The following TBC1D19 variants were observed in gnomAD, a reference collection of about 807,000 sequenced individuals.
TBC1D19 encodes TBC1 domain family, member 19.
A neutral mutation model predicts 89.0 loss-of-function variants in TBC1D19; 60 were observed. The observed-to-expected ratio is 0.67, with a 90% confidence interval of 0.55 to 0.84. The LOEUF (loss-of-function observed/expected upper bound fraction) is 0.84, where lower values mean the gene tolerates loss of function less well. TBC1D19 is among the 40% of genes least tolerant of loss of function. TBC1D19 has a pLI of 0.00. For synonymous variants in TBC1D19, 189 were observed against 199.7 expected (o/e 0.95, Z 0.45); for missense variants, 500 against 610.8 (o/e 0.82, Z 1.91).
At chr4:26,806,869 G>T in the TBC1D19 span, among the ~76,000 whole-genome samples, 1 of 152,176 alleles carries the variant, frequency 6.6e-6, no homozygotes, top group African/African-American at 2.4e-5. Flanking sequence ...TGCCAAAGAT[G>T]GCTGGTAAAT....
rs540055682 is a variant in TBC1D19, at chr4:26,628,107, C to A, written c.294+7419C>A. On this transcript the variant is annotated intron_variant, in intron 4 of 20. Transcript: ENST00000264866. ...TCCAGTTTCAGCTCTCTACATATGGCTAGCCAGTTTTCCCAGCATCATTTA... is the reference window on the plus strand; with the variant it reads ...TCCAGTTTCAGCTCTCTACATATGGATAGCCAGTTTTCCCAGCATCATTTA... Among the ~76,000 whole-genome samples, 28 of 152,276 alleles carry A rather than the reference C, an allele frequency of 1.8e-4. 1 individual carries two copies. The highest frequency in any genetic ancestry group is 6.0e-4 in the African/African-American group (25 of 41,560).
intron 4 of TBC1D19, among the ~76,000 whole-genome samples, chr4:26,634,259 A>G (rs940645540): frequency 1.3e-5 from 2 of 151,976 alleles, no homozygotes; most frequent in African/African-American, 2.4e-5. Flanking sequence ...TTTTCTTGCA[A>G]TGTCATGACT....
At chr4:26,591,965 G>A (rs943880352) in intron 1 of TBC1D19, among the ~76,000 whole-genome samples, 2 of 152,108 alleles carry the variant, frequency 1.3e-5, no homozygotes, top group Non-Finnish European at 2.9e-5. Flanking sequence ...AGAAAAAGAG[G>A]GAATCCTCCC....
intron 7 of TBC1D19, among the ~76,000 whole-genome samples, chr4:26,641,341 G>A (rs1212110855): frequency 6.6e-6 from 1 of 152,122 alleles, no homozygotes; most frequent in African/African-American, 2.4e-5. Context: ...GGACCTGACT[G>A]TTAGAAGGAA....
intron 15 of TBC1D19, among the ~76,000 whole-genome samples, chr4:26,731,170 C>T (rs915385111): frequency 3.9e-5 from 6 of 152,178 alleles, no homozygotes; most frequent in East Asian, 3.9e-4. Flanking sequence ...AGAAGAGGAC[C>T]GATTAATGAA....
intron 1 of TBC1D19, among the ~76,000 whole-genome samples, chr4:26,609,275 C>T (rs1741212431): frequency 6.6e-6 from 1 of 151,790 alleles, no homozygotes; most frequent in Non-Finnish European, 1.5e-5. Flanking sequence ...ATAATTAATG[C>T]CAGGGTGATA....
intron 1 of TBC1D19, among the ~76,000 whole-genome samples, chr4:26,605,465 T>G (rs1348748772): frequency 6.6e-6 from 1 of 152,052 alleles, no homozygotes; most frequent in Non-Finnish European, 1.5e-5. Flanking sequence ...GTTGGACATT[T>G]GGGTTGGTTC....
the TBC1D19 span, among the ~76,000 whole-genome samples, chr4:26,765,994 G>A: frequency 2.0e-5 from 3 of 152,062 alleles, no homozygotes; most frequent in South Asian, 2.1e-4. Context: ...ACACATGCAC[G>A]ATACACTGCC....
chr4:26,685,446 C>T (rs1713727947), intron 12 of TBC1D19, among the ~76,000 whole-genome samples: 1 of 152,192 alleles, frequency 6.6e-6, no homozygotes, highest in African/African-American at 2.4e-5. Flanking sequence ...TGAACCAATA[C>T]AATTTCCATG....
the TBC1D19 span, among the ~76,000 whole-genome samples, chr4:26,780,501 A>C: frequency 6.6e-6 from 1 of 152,200 alleles, no homozygotes; most frequent in Non-Finnish European, 1.5e-5. Flanking sequence ...GCATCAGATG[A>C]TAATTAATCC....
At chr4:26,675,476 G>A (rs1443362303) in intron 11 of TBC1D19, among the ~76,000 whole-genome samples, 1 of 152,034 alleles carries the variant, frequency 6.6e-6, no homozygotes, top group Non-Finnish European at 1.5e-5. Flanking sequence ...AAAGTGACAA[G>A]TCTATTCAAT....
At chr4:26,698,087 T>C (rs556845247) in intron 13 of TBC1D19, among the ~76,000 whole-genome samples, 28 of 152,296 alleles carry the variant, frequency 1.8e-4, no homozygotes, top group African/African-American at 4.3e-4. Context: ...TGTTTGCAGA[T>C]GACATGATTG....
intron 7 of TBC1D19, among the ~76,000 whole-genome samples, chr4:26,659,324 GTTTTTA>G (rs1383145986): frequency 2.6e-5 from 4 of 151,912 alleles, no homozygotes; most frequent in Non-Finnish European, 5.9e-5. Flanking sequence ...CCACCAAAAA[GTTTTTA>G]TTTTTAAGTA....
intron 13 of TBC1D19, among the ~76,000 whole-genome samples, chr4:26,705,475 G>T (rs1393686604): frequency 6.6e-6 from 1 of 152,078 alleles, no homozygotes; most frequent in Non-Finnish European, 1.5e-5. Context: ...TTAGATAAAG[G>T]CCCAGCTTCA....
the TBC1D19 span, among the ~76,000 whole-genome samples, chr4:26,786,584 C>CG: frequency 1.3e-5 from 2 of 152,040 alleles, no homozygotes; most frequent in African/African-American, 4.8e-5. Flanking sequence ...GGGCCAACAT[C>CG]GGGGGGTGGT....
chr4:26,831,416 T>C, the TBC1D19 span, among the ~76,000 whole-genome samples: 4 of 152,004 alleles, frequency 2.6e-5, no homozygotes, highest in African/African-American at 9.7e-5. Flanking sequence ...GCTGTTACAG[T>C]AAAAAGAAAC....
At chr4:26,802,238 A>G in the TBC1D19 span, among the ~76,000 whole-genome samples, 4 of 152,362 alleles carry the variant, frequency 2.6e-5, no homozygotes, top group African/African-American at 9.6e-5. Context: ...AGAAATTATA[A>G]TAGAACTGCA....
chr4:26,723,458 C>A (rs531336500), intron 15 of TBC1D19, among the ~76,000 whole-genome samples: 1 of 152,196 alleles, frequency 6.6e-6, no homozygotes, highest in Non-Finnish European at 1.5e-5. Flanking sequence ...GACACACTCT[C>A]ATTCCCTGAC....
At chr4:26,742,478 A>C in intron 17 of TBC1D19, 30 bp from the exon 18 acceptor site, 1 of 1,507,762 alleles carries the variant, frequency 6.6e-7, no homozygotes, top group Non-Finnish European at 9.0e-7. Flanking sequence ...TAAAATATCT[A>C]TTTCTCTTAT....
Sources: allele counts gnomAD v4.1 joint callset (sites outside exome capture counted in the v4.1 genomes callset), GRCh38; gene constraint gnomAD v4.1.1; transcripts MANE v1.5; gene names NCBI Gene and HGNC (gene_info 2026-07-23, HGNC 2026-07-21).